Variants in SLC8A1 observed in about 807,000 individuals in gnomAD.
SLC8A1 encodes sodium/calcium exchanger 1.
In SLC8A1, 18 loss-of-function variants were observed where a neutral mutation model predicts 68.3. That is an observed-to-expected ratio of 0.26 (90% CI 0.18 to 0.39). The LOEUF is 0.39. SLC8A1 is among the 10% of genes least tolerant of loss of function. The probability of loss-of-function intolerance (pLI) is 1.00; values close to 1 mark genes in which losing one functional copy is unlikely to be tolerated. For missense variants in SLC8A1, 985 were observed against 1,156.7 expected, an observed-to-expected ratio of 0.85 and a Z score of 2.15; for synonymous variants, 475 against 415.5, an observed-to-expected ratio of 1.14 and a Z score of -1.74.
At chr2:40,399,774 C>T (rs1688117098) in intron 2 of SLC8A1, among the ~76,000 whole-genome samples, 1 of 152,060 alleles carries the variant, frequency 6.6e-6, no homozygotes, top group Admixed American at 6.6e-5. Flanking sequence ...TGAAAACCAC[C>T]ATCTTTCTAA....
chr2:40,228,392 G>T (rs2059248593), intron 2 of SLC8A1, among the ~76,000 whole-genome samples: 1 of 152,214 alleles, frequency 6.6e-6, no homozygotes. Context: ...TGTGGAAAAG[G>T]CTGCGGAAAT....
chr2:40,443,484 T>C (rs769930848), intron 1 of SLC8A1, among the ~76,000 whole-genome samples: 41 of 152,186 alleles, frequency 2.7e-4, no homozygotes, highest in Non-Finnish European at 3.7e-4. Flanking sequence ...GTAATTACCC[T>C]TCTCTGTAAC....
At chr2:40,377,187 C>A (rs1217543031) in intron 2 of SLC8A1, among the ~76,000 whole-genome samples, 1 of 152,114 alleles carries the variant, frequency 6.6e-6, no homozygotes, top group African/African-American at 2.4e-5. Flanking sequence ...GAAGAGGGTC[C>A]AGGGCTTCAC....
At chr2:40,212,928 G>A (rs1006445641) in intron 2 of SLC8A1, among the ~76,000 whole-genome samples, 2 of 152,136 alleles carry the variant, frequency 1.3e-5, no homozygotes, top group African/African-American at 4.8e-5. Flanking sequence ...TTGGGCAAGA[G>A]AGCTAAGGCT....
intron 2 of SLC8A1, among the ~76,000 whole-genome samples, chr2:40,414,892 A>G (rs890406126): frequency 2.6e-5 from 4 of 152,234 alleles, no homozygotes; most frequent in Non-Finnish European, 5.9e-5. Context: ...ATGTATATTT[A>G]TAAGACAATA....
intron 2 of SLC8A1, among the ~76,000 whole-genome samples, chr2:40,228,414 C>T (rs1180737172): frequency 6.6e-6 from 1 of 152,194 alleles, no homozygotes; most frequent in African/African-American, 2.4e-5. Flanking sequence ...CTGCTGTCTA[C>T]ATTGGCATGA....
intron 2 of SLC8A1, among the ~76,000 whole-genome samples, chr2:40,252,979 GTATC>G (rs1432597638): frequency 4.6e-4 from 64 of 138,132 alleles, no homozygotes; most frequent in East Asian, 4.1e-3. Flanking sequence ...GTACATATAT[GTATC>G]TGTATATATG....
chr2:40,233,909 A>G (rs1220978033), intron 2 of SLC8A1, among the ~76,000 whole-genome samples: 2 of 151,420 alleles, frequency 1.3e-5, no homozygotes, highest in Non-Finnish European at 1.5e-5. Flanking sequence ...ATAGTTGTAG[A>G]TATGCGGCAT....
chr2:40,409,474 T>C (rs186115697), intron 2 of SLC8A1, among the ~76,000 whole-genome samples: 53 of 152,260 alleles, frequency 3.5e-4, no homozygotes, highest in Middle Eastern at 6.8e-3. Flanking sequence ...CCAAAGATTC[T>C]TAAATTCACA....
chr2:40,357,165 T>C (rs904663254), intron 2 of SLC8A1, among the ~76,000 whole-genome samples: 1 of 152,118 alleles, frequency 6.6e-6, no homozygotes. Context: ...TCACATACCA[T>C]GGAAAAAACA....
intron 7 of SLC8A1, among the ~76,000 whole-genome samples, chr2:40,137,804 T>A (rs1443070276): frequency 6.6e-6 from 1 of 152,036 alleles, no homozygotes; most frequent in East Asian, 1.9e-4. Context: ...AAGGTGAAAG[T>A]AAGAGAACCC....
At chr2:40,168,117 A>G (rs2046857074) in intron 4 of SLC8A1, among the ~76,000 whole-genome samples, 1 of 152,054 alleles carries the variant, frequency 6.6e-6, no homozygotes, top group Non-Finnish European at 1.5e-5. Context: ...TTCCTCCTCT[A>G]CTTTCCAGGA....
chr2:40,367,792 C>T (rs6544333), intron 2 of SLC8A1, among the ~76,000 whole-genome samples: 110,723 of 151,852 alleles, frequency 0.73, 41,854 homozygotes, highest in African/African-American at 0.93. Context: ...TAAAATGCAG[C>T]CTAGGATTAC....
intron 7 of SLC8A1, chr2:40,123,182 C>G (rs939939042): frequency 1.3e-5 from 2 of 152,166 alleles, no homozygotes; most frequent in African/African-American, 4.8e-5. Context: ...CTGACAAGGT[C>G]TAGATAACTG....
At chr2:40,417,457 G>C (rs963412790) in intron 2 of SLC8A1, among the ~76,000 whole-genome samples, 1 of 152,140 alleles carries the variant, frequency 6.6e-6, no homozygotes, top group Non-Finnish European at 1.5e-5. Context: ...CTCAAAGCAA[G>C]TGTTAGGATT....
At chr2:40,352,475 C>T (rs180760810) in intron 2 of SLC8A1, among the ~76,000 whole-genome samples, 41 of 152,152 alleles carry the variant, frequency 2.7e-4, no homozygotes, top group Admixed American at 2.3e-3. Flanking sequence ...TTCTATAATC[C>T]TCAGGAATTC....
chr2:40,156,584 C>CA (rs1415779572), intron 6 of SLC8A1, among the ~76,000 whole-genome samples: 1 of 151,784 alleles, frequency 6.6e-6, no homozygotes, highest in Non-Finnish European at 1.5e-5. Flanking sequence ...CCTAGGAAAA[C>CA]AAATTCTTCC....
At chr2:40,457,377 C>T (rs1276327786) in intron 1 of SLC8A1, among the ~76,000 whole-genome samples, 5 of 152,088 alleles carry the variant, frequency 3.3e-5, no homozygotes, top group Admixed American at 1.3e-4. Flanking sequence ...TCCAAGGCAC[C>T]GTTTATGATA....
At chr2:40,268,035 C>T (rs924139826) in intron 2 of SLC8A1, among the ~76,000 whole-genome samples, 7 of 152,184 alleles carry the variant, frequency 4.6e-5, no homozygotes, top group African/African-American at 1.4e-4. Context: ...GCATTTTACA[C>T]ATTTTATCAC....
Sources: gnomAD v4.1 joint callset for allele counts (sites outside exome capture counted in the v4.1 genomes callset) on GRCh38, gnomAD v4.1.1 for gene constraint, MANE v1.5 for transcripts, NCBI Gene and HGNC (gene_info 2026-07-23, HGNC 2026-07-21) for gene names.